Variants in NRXN3 observed in about 807,000 individuals in gnomAD.
NRXN3 encodes the protein neurexin III.
A neutral mutation model predicts 137.6 loss-of-function variants in NRXN3; 32 were observed. That is an observed-to-expected ratio of 0.23 (90% CI 0.18 to 0.31). The LOEUF (loss-of-function observed/expected upper bound fraction) is 0.31. Ranked by LOEUF, NRXN3 falls within the 10% of genes least tolerant of loss-of-function variation. The pLI is 1.00. For synonymous variants in NRXN3, 798 were observed against 784.5 expected, an observed-to-expected ratio of 1.02 and a Z score of -0.29; for missense variants, 1,574 against 2,062.5, an observed-to-expected ratio of 0.76 and a Z score of 4.59.
At chr14:79,030,201 C>T (rs879379689) in intron 15 of NRXN3, among the ~76,000 whole-genome samples, 15 of 151,598 alleles carry the variant, frequency 9.9e-5, no homozygotes, top group Non-Finnish European at 1.8e-4. Context: ...CATTTAGCAG[C>T]ATTCTTAGCC....
rs144124203 is a variant in NRXN3, at chr14:78,276,841, A to T, written c.710-1804A>T. Among the ~76,000 whole-genome samples the T allele has an allele frequency of 6.0e-3, 915 of 152,372 alleles. 9 individuals carry two copies. Among genetic ancestry groups the T allele is most frequent in the African/African-American group, 0.021 (890 of 41,586 alleles). ...TTCTTCTGCCACAGAACTCGGCCAC[A>T]TGTAAATAGTTTGATATCCTGTTTA... On this transcript the variant is annotated intron_variant, in intron 2 of 20. Transcript: ENST00000335750.
intron 15 of NRXN3, among the ~76,000 whole-genome samples, chr14:79,160,786 C>A (rs908941586): frequency 1.3e-5 from 2 of 151,866 alleles, no homozygotes; most frequent in Non-Finnish European, 2.9e-5. Flanking sequence ...TGACAGATGG[C>A]ACATGGTGGT....
chr14:78,341,268 T>C (rs2082119403), intron 4 of NRXN3, among the ~76,000 whole-genome samples: 1 of 152,182 alleles, frequency 6.6e-6, no homozygotes, highest in African/African-American at 2.4e-5. Context: ...TTTCAGACTC[T>C]CATGTGTGCA....
At chr14:79,298,313 A>G (rs921509991) in intron 15 of NRXN3, among the ~76,000 whole-genome samples, 2 of 152,094 alleles carry the variant, frequency 1.3e-5, no homozygotes, top group African/African-American at 4.8e-5. Flanking sequence ...CACCCACTTC[A>G]GATAATAAAG....
chr14:79,226,861 T>C (rs1209699976), intron 15 of NRXN3, among the ~76,000 whole-genome samples: 1 of 147,578 alleles, frequency 6.8e-6, no homozygotes, highest in Non-Finnish European at 1.5e-5. Flanking sequence ...TTTTGCTCAG[T>C]CTGGAGTGCA....
intron 10 of NRXN3, among the ~76,000 whole-genome samples, chr14:78,894,275 C>G (rs2099167306): frequency 6.6e-6 from 1 of 151,952 alleles, no homozygotes; most frequent in African/African-American, 2.4e-5. Context: ...CTTGCAGGTG[C>G]TTTATCAACT....
chr14:79,428,443 A>C (rs1312491074), intron 15 of NRXN3, among the ~76,000 whole-genome samples: 2 of 152,156 alleles, frequency 1.3e-5, no homozygotes, highest in Non-Finnish European at 2.9e-5. Context: ...GAAACAACAC[A>C]AATTATGTAG....
intron 16 of NRXN3, among the ~76,000 whole-genome samples, chr14:79,627,229 A>G (rs1391649327): frequency 6.6e-6 from 1 of 152,210 alleles, no homozygotes; most frequent in East Asian, 1.9e-4. Flanking sequence ...TCTGGCAAAT[A>G]TCCTCTAGAT....
intron 4 of NRXN3, among the ~76,000 whole-genome samples, chr14:78,621,935 A>T (rs1257017307): frequency 6.6e-6 from 1 of 152,200 alleles, no homozygotes; most frequent in Non-Finnish European, 1.5e-5. Flanking sequence ...GGGTATTAGT[A>T]CCTATTAGTA....
At chr14:78,543,870 A>C (rs1298214202) in intron 4 of NRXN3, among the ~76,000 whole-genome samples, 1 of 152,126 alleles carries the variant, frequency 6.6e-6, no homozygotes, top group African/African-American at 2.4e-5. Flanking sequence ...TCAAAGCCGG[A>C]ATCAAGGGTG....
chr14:78,871,859 C>T (rs2099102075), intron 10 of NRXN3, among the ~76,000 whole-genome samples: 1 of 152,046 alleles, frequency 6.6e-6, no homozygotes, highest in South Asian at 2.1e-4. Flanking sequence ...GGCTGTATTG[C>T]CCTGGTTATA....
chr14:78,264,385 C>T (rs553726552), intron 2 of NRXN3, among the ~76,000 whole-genome samples: 10 of 152,250 alleles, frequency 6.6e-5, no homozygotes, highest in South Asian at 2.1e-4. Context: ...TAGCTAGGTC[C>T]GCCTTAAGCT....
At chr14:78,595,084 G>A (rs1252556490) in intron 4 of NRXN3, among the ~76,000 whole-genome samples, 2 of 152,186 alleles carry the variant, frequency 1.3e-5, no homozygotes, top group African/African-American at 4.8e-5. Context: ...AAGCAAGAGA[G>A]CTAAGAAGAA....
intron 2 of NRXN3, among the ~76,000 whole-genome samples, chr14:78,252,015 G>A (rs561209341): frequency 6.6e-6 from 1 of 152,058 alleles, no homozygotes; most frequent in Non-Finnish European, 1.5e-5. Flanking sequence ...TATTGCTGTT[G>A]TTCTCCAGAA....
At chr14:78,805,878 C>T (rs1008820681) in intron 9 of NRXN3, among the ~76,000 whole-genome samples, 6 of 151,938 alleles carry the variant, frequency 3.9e-5, no homozygotes, top group African/African-American at 1.2e-4. Flanking sequence ...CAAATAAAAG[C>T]GTATAAGAAA....
Position 79,700,433 on chromosome 14 carries a change from C to G in NRXN3, c.4014+2496C>G, listed in dbSNP as rs578019874. ...ACATTTTCCAAATGATACCACTGTT[C>G]TGTCCTCTTTTGCTAAATTTAATAA... On this transcript the variant is annotated intron_variant, in intron 19 of 20. Coordinates refer to ENST00000335750, the MANE Select transcript of NRXN3 (RefSeq NM_001330195.2). Among the ~76,000 whole-genome samples, 4 of 152,174 alleles carry G rather than the reference C, an allele frequency of 2.6e-5. No individual in the cohort carries two copies. The South Asian group carries it at 6.2e-4, about 24-fold the overall frequency.
At chr14:79,472,329 T>C (rs2096520389) in intron 16 of NRXN3, among the ~76,000 whole-genome samples, 1 of 152,168 alleles carries the variant, frequency 6.6e-6, no homozygotes, top group Admixed American at 6.5e-5. Context: ...AAAAGTTAAA[T>C]AGGTTTTGAC....
At chr14:79,501,442 C>T (rs1601302249) in intron 16 of NRXN3, among the ~76,000 whole-genome samples, 1 of 152,130 alleles carries the variant, frequency 6.6e-6, no homozygotes, top group African/African-American at 2.4e-5. Context: ...AACCTGACCT[C>T]TGAGGCATTG....
intron 15 of NRXN3, among the ~76,000 whole-genome samples, chr14:79,332,252 C>T (rs1001981575): frequency 2.0e-5 from 3 of 152,152 alleles, no homozygotes; most frequent in Admixed American, 6.5e-5. Flanking sequence ...TTGCTTTTGC[C>T]TCTTCTGTAA....
Sources: allele counts gnomAD v4.1 joint callset (sites outside exome capture counted in the v4.1 genomes callset), GRCh38; gene constraint gnomAD v4.1.1; transcripts MANE v1.5; gene names NCBI Gene and HGNC (gene_info 2026-07-23, HGNC 2026-07-21).